Variants in PAX1 observed in about 807,000 individuals in gnomAD.
PAX1 encodes the protein paired box protein Pax-1.
Under a neutral mutation model 35.6 loss-of-function variants are expected in PAX1, and 18 were observed. That is an observed-to-expected ratio of 0.50 (90% confidence interval 0.35 to 0.75). The LOEUF is 0.75. Among genes scored for constraint, PAX1 ranks in the 30% least tolerant of loss-of-function variants. The pLI, the probability that PAX1 is intolerant of heterozygous loss-of-function variation, is 0.01. For synonymous variants in PAX1, 397 were observed against 305.2 expected (o/e 1.30, Z -3.14); for missense variants, 760 against 661.5 (o/e 1.15, Z -1.63).
intron 3 of PAX1, among the ~76,000 whole-genome samples, chr20:21,708,958 G>C (rs1177603362): frequency 2.0e-5 from 3 of 152,184 alleles, no homozygotes; most frequent in Non-Finnish European, 2.9e-5. Flanking sequence ...CGAATCCACA[G>C]TCAAGGGCCT....
In PAX1 at chr20:21,706,599, A is replaced by T. The variant is rs1236581901; in HGVS notation, c.448A>T (p.Ile150Phe). The T allele has an allele frequency of 6.2e-7, 1 of 1,612,228 alleles. No homozygotes were observed. The highest frequency in any genetic ancestry group is 8.5e-7 in the Non-Finnish European group (1 of 1,180,002). ...LRVSHGCVSKILARYNETGSI... is the reference protein window; with the variant it reads ...LRVSHGCVSKFLARYNETGSI... ...CGTATCCCACGGCTGCGTGAGCAAGATCCTGGCGCGCTACAACGAGACCGG... is the reference window on the plus strand; with the variant it reads ...CGTATCCCACGGCTGCGTGAGCAAGTTCCTGGCGCGCTACAACGAGACCGG... The change falls in exon 2 of 5, where the codon ATC becomes TTC. Residue 150 changes from isoleucine (I) to phenylalanine (F), a missense_variant. Physicochemically the swap from Ile to Phe is conservative, Grantham distance 21. Coordinates refer to ENST00000613128, the MANE Select transcript of PAX1 (RefSeq NM_001257096.2). This position sits in a 1 kb window ranked among gnomAD's most constrained non-coding sequence, Gnocchi z 5.3.
intron 2 of PAX1, among the ~76,000 whole-genome samples, chr20:21,707,558 G>A (rs577176619): frequency 5.6e-4 from 85 of 152,298 alleles, no homozygotes; most frequent in African/African-American, 2.0e-3. Flanking sequence ...GCAGGTCCTG[G>A]AGTTTGCGGT....
chr20:21,713,616 C>T (rs923350455), intron 4 of PAX1, among the ~76,000 whole-genome samples: 3 of 152,134 alleles, frequency 2.0e-5, no homozygotes, highest in Admixed American at 1.3e-4. Flanking sequence ...ACTGTGGATC[C>T]TAGTGTAGGA....
At chr20:21,710,938 A>G (rs1163659684) in intron 4 of PAX1, among the ~76,000 whole-genome samples, 1 of 152,168 alleles carries the variant, frequency 6.6e-6, no homozygotes, top group African/African-American at 2.4e-5. Context: ...TTTATAGAAA[A>G]ATCCAAGTGA....
At chr20:21,708,840 C>T in intron 3 of PAX1, 140 bp downstream of exon 3, 1 of 861,368 alleles carries the variant, frequency 1.2e-6, no homozygotes, top group Admixed American at 2.0e-5. Context: ...AGCAAGCGTC[C>T]TTTCTGTCCT....
At position 21,714,641 on chromosome 20, in the gene PAX1, A is replaced by T; in HGVS notation, c.*79A>T. The T allele has an allele frequency of 6.3e-7, 1 of 1,584,674 alleles. No homozygotes were observed. ...CACAGGTCTGCGCGGCGGCCCCGGC[A>T]ATCGGCACGGGCAGGATCGGAGGAC... On this transcript the variant is annotated 3_prime_UTR_variant, in exon 5 of 5. Coordinates refer to ENST00000613128, the MANE Select transcript of PAX1 (RefSeq NM_001257096.2).
In PAX1 at chr20:21,717,216, G is replaced by C. The variant is rs571790403; in HGVS notation, c.*2654G>C. 1.3e-5 allele frequency: 2 copies of C among 152,354 alleles called. No homozygotes were observed. Among genetic ancestry groups the C allele is most frequent in the Admixed American group, 1.3e-4 (2 of 15,302 alleles). The allele number at this position is 152,354 out of a possible 1,614,324, so 9.4% of individuals were successfully genotyped here. Reference sequence around the variant, plus strand: ...GAGGATAGGCAGCCTTCGTCCCAGAGCCAGCAGGCTCTGACATTTCATGTG... The same window carrying C: ...GAGGATAGGCAGCCTTCGTCCCAGACCCAGCAGGCTCTGACATTTCATGTG... On this transcript the variant is annotated 3_prime_UTR_variant, in exon 5 of 5. Coordinates refer to ENST00000613128, the MANE Select transcript of PAX1 (RefSeq NM_001257096.2).
chr20:21,712,416 T>C (rs1216032669), intron 4 of PAX1, among the ~76,000 whole-genome samples: 1 of 152,186 alleles, frequency 6.6e-6, no homozygotes, highest in Admixed American at 6.5e-5. Flanking sequence ...TTGGAGAGGC[T>C]GACATTCTAG....
intron 4 of PAX1, among the ~76,000 whole-genome samples, chr20:21,710,362 C>T (rs551994619): frequency 1.1e-3 from 165 of 152,268 alleles, no homozygotes; most frequent in African/African-American, 3.9e-3. Context: ...TTGCTAAGTT[C>T]AAACTTGCCA....
rs1360819934 is a variant in PAX1, at chr20:21,708,653, A to T, written c.1012A>T (p.Asn338Tyr). The change falls in exon 3 of 5, where the codon AAT (asparagine) becomes TAT (tyrosine). Residue 338 changes from asparagine (N) to tyrosine (Y), a missense_variant. Physicochemically the swap from Asn to Tyr is moderately radical, Grantham distance 143. Coordinates refer to ENST00000613128, the MANE Select transcript of PAX1 (RefSeq NM_001257096.2). ...RTAFPATPAV[N>Y]GLEKPALEAD... The stretch of plus-strand genomic sequence containing the variant: ...GGCCTTCCCCGCCACCCCCGCAGTG[A>T]ATGGGCTAGAGAAACCTGCCTTAGA... The T allele has an allele frequency of 6.2e-7, 1 of 1,613,524 alleles. No homozygotes were observed. Among genetic ancestry groups the T allele is most frequent in the African/African-American group, 1.3e-5 (1 of 74,952 alleles).
Position 21,715,300 on chromosome 20 carries a change from C to G in PAX1, c.*738C>G, listed in dbSNP as rs1985333717. 5.9e-6 allele frequency: 1 copy of G among 168,542 alleles called. No homozygotes were observed. The highest frequency in any genetic ancestry group is 1.3e-5 in the Non-Finnish European group (1 of 78,838). 10.4% of individuals were successfully genotyped at this position (168,542 alleles called of 1,614,324 possible). ...GTAGCCTTCACTCCTCTGAGCCCAC[C>G]AGCCCTAATGGAGGGGGGCTCAAAC... On this transcript the variant is annotated 3_prime_UTR_variant, in exon 5 of 5. Coordinates refer to ENST00000613128, the MANE Select transcript of PAX1 (RefSeq NM_001257096.2).
rs1419649848 is a variant in PAX1 at position 21,717,935 on chromosome 20, AAT to A, written c.*3376_*3377del. 1.3e-5 allele frequency: 2 copies of A among 152,200 alleles called. No homozygotes were observed. The highest frequency in any genetic ancestry group is 1.9e-4 in the East Asian group (1 of 5,194). 9.4% of individuals were successfully genotyped at this position (152,200 alleles called of 1,614,324 possible). A position where few individuals can be genotyped will look rare whatever the true frequency, so the allele number is the denominator to read the frequency against. ...TCCAGGAAAAACATGCATGCGGGAA[AAT>A]ATGTTTCTGTCTATGTGTTATTTGA... On this transcript the variant is annotated 3_prime_UTR_variant, in exon 5 of 5. Coordinates refer to ENST00000613128, the MANE Select transcript of PAX1 (RefSeq NM_001257096.2).
At chr20:21,713,147 AC>A (rs1172075816) in intron 4 of PAX1, among the ~76,000 whole-genome samples, 1 of 152,052 alleles carries the variant, frequency 6.6e-6, no homozygotes, top group Non-Finnish European at 1.5e-5. Flanking sequence ...CTCTAAGGTA[AC>A]CGTCCCTTGG....
At chr20:21,709,478 T>C (rs1005687226) in intron 4 of PAX1, 34 bp downstream of exon 4, 3 of 1,464,648 alleles carry the variant, frequency 2.0e-6, no homozygotes, top group Non-Finnish European at 2.7e-6. Context: ...GGGTGGATGC[T>C]GGAAGGGTTA....
rs376384580 is a variant in PAX1 at position 21,714,597 on chromosome 20, C to G, written c.*35C>G. On this transcript the variant is annotated 3_prime_UTR_variant, in exon 5 of 5. Transcript: ENST00000613128. ...TCCCCGGACCCGAGCCCGGAGGGAACGGCAGGCGGACCCGGGCGCACAGGT... is the reference window on the plus strand; with the variant it reads ...TCCCCGGACCCGAGCCCGGAGGGAAGGGCAGGCGGACCCGGGCGCACAGGT... The G allele has an allele frequency of 1.9e-6, 3 of 1,560,358 alleles. No individual in the cohort carries two copies. The South Asian group carries it at 3.5e-5, about 18-fold the overall frequency.
chr20:21,705,859 C>A lies in PAX1; in HGVS notation c.147C>A (p.Gly49=). 7.2e-7 allele frequency: 1 copy of A among 1,383,528 alleles called. No homozygotes were observed. The allele number at this position is 1,383,528 out of a possible 1,614,324, so 85.7% of individuals were successfully genotyped here. A position where few individuals can be genotyped will look rare whatever the true frequency, so the allele number is the denominator to read the frequency against. The change falls in exon 1 of 5, where the codon GGC becomes GGA. Residue 49 remains glycine (G), a synonymous_variant. Transcript: ENST00000613128. ...CCAGCCCGCGGCTGGGCCGCCGCGG[C>A]TCTCGGCTCTCGGGCGCCCTCCCTC... is the stretch of plus-strand genomic sequence containing the variant. ...RVSSPRLGRR[G]SRLSGALPLC...
chr20:21,713,011 G>T (rs1462718154), intron 4 of PAX1, among the ~76,000 whole-genome samples: 2 of 152,234 alleles, frequency 1.3e-5, no homozygotes, highest in Non-Finnish European at 2.9e-5. Context: ...GGGAATGGAG[G>T]GCAGGAGGGG....
intron 2 of PAX1, chr20:21,708,241 T>G (rs1985078139): frequency 1.9e-6 from 1 of 513,738 alleles, no homozygotes; most frequent in Non-Finnish European, 3.5e-6. Flanking sequence ...ACTCGGAAGT[T>G]TCTGGGAGCC....
Position 21,705,864 on chromosome 20 carries a change from G to C in PAX1, c.152G>C (p.Arg51Pro), listed in dbSNP as rs1477585625. 1 of 1,384,668 alleles carries C rather than the reference G, an allele frequency of 7.2e-7. No individual in the cohort carries two copies. The highest frequency in any genetic ancestry group is 9.4e-7 in the Non-Finnish European group (1 of 1,065,668). The allele number at this position is 1,384,668 out of a possible 1,614,324, so 85.8% of individuals were successfully genotyped here. Residue 51 changes from arginine (R) to proline (P), a missense_variant, in exon 1 of 5, where the codon CGG becomes CCG. Arg to Pro is a moderately radical substitution (Grantham distance 103). This residue lies in a region of PAX1 where 222 missense variants were observed against 153.0 expected (regional missense o/e 1.45). Transcript: ENST00000613128. ...CCGCGGCTGGGCCGCCGCGGCTCTC[G>C]GCTCTCGGGCGCCCTCCCTCTATGC... is the stretch of plus-strand genomic sequence containing the variant. ...SSPRLGRRGS[R>P]LSGALPLCLS...
Sources: gnomAD v4.1 joint callset for allele counts (sites outside exome capture counted in the v4.1 genomes callset) on GRCh38, gnomAD v4.1.1 for gene constraint, gnomAD v4.1.1 regional missense constraint, Gnocchi (gnomAD v3.1) non-coding constraint, MANE v1.5 for transcripts, NCBI Gene and HGNC (gene_info 2026-07-23, HGNC 2026-07-21) for gene names.